Variants in NKAIN3 observed in about 807,000 individuals in gnomAD.
The protein encoded by NKAIN3 is sodium/potassium-transporting ATPase subunit beta-1-interacting protein 3.
In NKAIN3, 25 loss-of-function variants were observed where a neutral mutation model predicts 30.2. The ratio of observed to expected loss-of-function variants is 0.83; its 90% CI spans 0.60 to 1.16. The LOEUF is 1.16. Among genes scored for constraint, NKAIN3 ranks in the 50% most tolerant of loss-of-function variants. The pLI is 0.00. For synonymous variants in NKAIN3, 91 were observed against 89.6 expected, an observed-to-expected ratio of 1.02 and a Z score of -0.09; for missense variants, 225 against 254.1, an observed-to-expected ratio of 0.89 and a Z score of 0.78.
At chr8:62,592,190 G>T (rs533486356) in intron 3 of NKAIN3, among the ~76,000 whole-genome samples, 47 of 152,050 alleles carry the variant, frequency 3.1e-4, no homozygotes, top group African/African-American at 1.0e-3. Context: ...GTACGCTAAG[G>T]TGTTCTTTTG....
intron 5 of NKAIN3, among the ~76,000 whole-genome samples, chr8:62,926,408 G>A (rs935476094): frequency 3.9e-5 from 6 of 152,138 alleles, no homozygotes; most frequent in South Asian, 2.1e-4. Context: ...ACTTCTGCAC[G>A]TCTGTCCCTA....
intron 4 of NKAIN3, among the ~76,000 whole-genome samples, chr8:62,844,260 T>C (rs1819610755): frequency 1.3e-5 from 2 of 152,156 alleles, no homozygotes; most frequent in South Asian, 4.1e-4. Context: ...GATTCCATTA[T>C]TTACAGAGAG....
chr8:62,919,140 A>G (rs565263659), intron 5 of NKAIN3, among the ~76,000 whole-genome samples: 1 of 151,066 alleles, frequency 6.6e-6, no homozygotes, highest in South Asian at 2.1e-4. Context: ...AGGTCAACAA[A>G]TGACTTTCAT....
chr8:62,391,241 T>C (rs9643376), intron 1 of NKAIN3, among the ~76,000 whole-genome samples: 85,593 of 151,992 alleles, frequency 0.56, 26,564 homozygotes, highest in East Asian at 0.68. Context: ...ATATGTACCT[T>C]ATCTTTGGTA....
intron 4 of NKAIN3, among the ~76,000 whole-genome samples, chr8:62,887,024 C>T (rs1821167631): frequency 6.6e-6 from 1 of 152,194 alleles, no homozygotes; most frequent in Non-Finnish European, 1.5e-5. Context: ...CATAGTATTC[C>T]ATGGTGTCTA....
intron 1 of NKAIN3, among the ~76,000 whole-genome samples, chr8:62,579,318 C>G (rs1303576751): frequency 6.6e-6 from 1 of 151,978 alleles, no homozygotes; most frequent in East Asian, 1.9e-4. Context: ...GATTTAAAAT[C>G]TAATTATACT....
intron 1 of NKAIN3, among the ~76,000 whole-genome samples, chr8:62,399,572 A>C (rs1407394692): frequency 6.6e-6 from 1 of 152,224 alleles, no homozygotes; most frequent in Non-Finnish European, 1.5e-5. Flanking sequence ...TTAAACAAGC[A>C]ACAATTGTAT....
chr8:62,274,373 T>C (rs1812868207), intron 1 of NKAIN3, among the ~76,000 whole-genome samples: 1 of 152,158 alleles, frequency 6.6e-6, no homozygotes, highest in Non-Finnish European at 1.5e-5. Flanking sequence ...GTGTAGTCTA[T>C]GATCTGTGAT....
intron 4 of NKAIN3, among the ~76,000 whole-genome samples, chr8:62,846,851 A>G (rs1819703741): frequency 6.6e-6 from 1 of 152,256 alleles, no homozygotes; most frequent in South Asian, 2.1e-4. Flanking sequence ...CCTCACAATC[A>G]TGGTCGAAGG....
chr8:62,584,442 A>T (rs1186352188), intron 2 of NKAIN3, among the ~76,000 whole-genome samples: 1 of 152,208 alleles, frequency 6.6e-6, no homozygotes, highest in Non-Finnish European at 1.5e-5. Flanking sequence ...GATCACCTTT[A>T]TGAAAATGTT....
chr8:62,935,939 CA>C (rs1822772079), intron 5 of NKAIN3, among the ~76,000 whole-genome samples: 1 of 152,016 alleles, frequency 6.6e-6, no homozygotes, highest in African/African-American at 2.4e-5. Flanking sequence ...AATTTAAAAA[CA>C]AAAACTGTGT....
intron 1 of NKAIN3, among the ~76,000 whole-genome samples, chr8:62,429,879 T>G (rs772233488): frequency 6.6e-6 from 1 of 151,874 alleles, no homozygotes; most frequent in African/African-American, 2.4e-5. Context: ...TTAAGTGTAT[T>G]GTTTAGTGGT....
rs531433891 is a variant in NKAIN3 at position 62,495,561 on chromosome 8, A to G, written c.55-83978A>G. ...AATGAGACAGAGAGTATATATATATATATTATATAAATATAATATAAAATT... is the reference window on the plus strand; with the variant it reads ...AATGAGACAGAGAGTATATATATATGTATTATATAAATATAATATAAAATT... On this transcript the variant is annotated intron_variant, in intron 1 of 6. Transcript: ENST00000623646. Among the ~76,000 whole-genome samples the G allele has an allele frequency of 5.4e-5, 8 of 149,052 alleles. No homozygotes were observed. In the East Asian group the frequency reaches 1.4e-3, roughly 25 times the overall value.
At chr8:62,787,007 G>T (rs907915946) in intron 4 of NKAIN3, among the ~76,000 whole-genome samples, 1 of 152,004 alleles carries the variant, frequency 6.6e-6, no homozygotes, top group African/African-American at 2.4e-5. Flanking sequence ...ACTTTGAATG[G>T]TTGAGTACAG....
chr8:62,989,096 A>G (rs941729224), downstream of NKAIN3, among the ~76,000 whole-genome samples: 1 of 152,178 alleles, frequency 6.6e-6, no homozygotes, highest in African/African-American at 2.4e-5. Context: ...TTTATCATCC[A>G]TAGCACTATG....
chr8:62,850,570 A>C (rs1222376329), intron 4 of NKAIN3, among the ~76,000 whole-genome samples: 1 of 152,122 alleles, frequency 6.6e-6, no homozygotes, highest in Non-Finnish European at 1.5e-5. Flanking sequence ...GTTTTCTTCT[A>C]GGGTTTTTAT....
chr8:62,993,659 C>T (rs1804033547), intron 5 of NKAIN3, among the ~76,000 whole-genome samples: 1 of 152,084 alleles, frequency 6.6e-6, no homozygotes, highest in Non-Finnish European at 1.5e-5. Flanking sequence ...TTGTCCTTAG[C>T]CTCTGGTATT....
intron 1 of NKAIN3, among the ~76,000 whole-genome samples, chr8:62,373,949 C>CTAAAA (rs1377917704): frequency 6.6e-6 from 1 of 151,568 alleles, no homozygotes; most frequent in Non-Finnish European, 1.5e-5. Flanking sequence ...CCCGTCTCTA[C>CTAAAA]TAAAATACAA....
At chr8:62,811,789 A>T (rs73256963) in intron 4 of NKAIN3, among the ~76,000 whole-genome samples, 1,606 of 152,020 alleles carry the variant, frequency 0.011, 22 homozygotes, top group South Asian at 0.031. Context: ...TTTGCTGAAT[A>T]TGTGGTTTGT....
Sources: allele counts gnomAD v4.1 joint callset (sites outside exome capture counted in the v4.1 genomes callset), GRCh38; gene constraint gnomAD v4.1.1; transcripts MANE v1.5; gene names NCBI Gene and HGNC (gene_info 2026-07-23, HGNC 2026-07-21).